BCAS3: variants seen among roughly 807,000 people sequenced by gnomAD.
The protein encoded by BCAS3 is BCAS4/BCAS3 fusion.
A neutral mutation model predicts 116.1 loss-of-function variants in BCAS3; 53 were observed. The ratio of observed to expected loss-of-function variants is 0.46; its 90% CI spans 0.37 to 0.57. The LOEUF (loss-of-function observed/expected upper bound fraction) is 0.57. BCAS3 is among the 20% of genes least tolerant of loss of function. BCAS3 has a pLI of 0.00. For synonymous variants in BCAS3, 391 were observed against 408.2 expected (o/e 0.96, Z 0.51); for missense variants, 917 against 1,165.4 (o/e 0.79, Z 3.10).
chr17:61,015,968 A>G, intron 16 of BCAS3, 67 bp downstream of exon 16: 1 of 1,468,906 alleles, frequency 6.8e-7, no homozygotes, highest in Non-Finnish European at 9.3e-7. Flanking sequence ...AAAATAAAAC[A>G]TACTTTTTCT....
chr17:60,740,395 G>A (rs2041417546), intron 5 of BCAS3, among the ~76,000 whole-genome samples: 2 of 151,544 alleles, frequency 1.3e-5, no homozygotes, highest in African/African-American at 4.9e-5. Flanking sequence ...CTACTTGAGA[G>A]GCTGAGGTGG....
At chr17:60,895,389 G>C (rs983663328) in intron 10 of BCAS3, among the ~76,000 whole-genome samples, 15 of 152,026 alleles carry the variant, frequency 9.9e-5, no homozygotes, top group Non-Finnish European at 1.8e-4. Context: ...TATTTCTGTG[G>C]TATCAGTTGT....
At chr17:61,090,084 CAA>C (rs2073426972) in intron 22 of BCAS3, among the ~76,000 whole-genome samples, 1 of 152,182 alleles carries the variant, frequency 6.6e-6, no homozygotes, top group South Asian at 2.1e-4. Flanking sequence ...CTGAAACCTT[CAA>C]GTCATTCTCC....
rs80058081 is a variant in BCAS3 at position 61,323,938 on chromosome 17, A to G, written c.2426-44389A>G. On this transcript the variant is annotated intron_variant, in intron 22 of 23. Transcript: ENST00000407086. This position sits in a 1 kb window ranked among gnomAD's most constrained non-coding sequence, Gnocchi z 4.6. ...GTTTGCACATTCTTCCTGGAGGAAA[A>G]TGATAGCTCATTGTCAAAGGTTGGG... 0.034 allele frequency among the ~76,000 whole-genome samples: 5,197 copies of G among 152,344 alleles called. 321 individuals carry two copies. The highest frequency in any genetic ancestry group is 0.12 in the African/African-American group (4,922 of 41,564).
intron 23 of BCAS3, among the ~76,000 whole-genome samples, chr17:61,369,905 G>A (rs74351208): frequency 0.011 from 1,725 of 152,292 alleles, 31 homozygotes; most frequent in African/African-American, 0.039. Context: ...AGCCAGCCTC[G>A]GCTCACATAA....
rs1780542235 is a variant in BCAS3 at position 61,007,922 on chromosome 17, A to G, written c.1487-7829A>G. 6.6e-6 allele frequency among the ~76,000 whole-genome samples: 1 copy of G among 152,210 alleles called. No individual in the cohort carries two copies. The highest frequency in any genetic ancestry group is 2.1e-4 in the South Asian group (1 of 4,826). On this transcript the variant is annotated intron_variant, in intron 15 of 23. Coordinates refer to ENST00000407086, the MANE Select transcript of BCAS3 (RefSeq NM_017679.5). This position sits in a 1 kb window ranked among gnomAD's most constrained non-coding sequence, Gnocchi z 4.3. ...TCACCATCGATTGCCTCCAAAAAAA[A>G]GTTATAGGCAAAATGAATCAGTGCC... is the stretch of plus-strand genomic sequence containing the variant.
intron 5 of BCAS3, among the ~76,000 whole-genome samples, chr17:60,738,193 G>T (rs1285795814): frequency 1.3e-5 from 2 of 152,230 alleles, no homozygotes; most frequent in Non-Finnish European, 2.9e-5. Flanking sequence ...GTTGTAAGAA[G>T]TAGTTTATAG....
intron 14 of BCAS3, among the ~76,000 whole-genome samples, chr17:60,958,448 T>A (rs2061253366): frequency 6.6e-6 from 1 of 152,176 alleles, no homozygotes; most frequent in Admixed American, 6.6e-5. Flanking sequence ...CTAACAACAA[T>A]GAATTGATCA....
rs1351560460 is a variant in BCAS3 at position 61,139,083 on chromosome 17, A to AT, written c.2425+54525dup. ...TAGAAAAAATTAGAGACAGAGATGA[A>AT]TTTTTTATTCTTGGATTTTCAAGAA... On this transcript the variant is annotated intron_variant, in intron 22 of 23. Coordinates refer to ENST00000407086, the MANE Select transcript of BCAS3 (RefSeq NM_017679.5). The surrounding 1 kb of genome is among the most constrained non-coding windows in gnomAD (Gnocchi z 4.7). Among the ~76,000 whole-genome samples the AT allele has an allele frequency of 1.3e-5, 2 of 152,094 alleles. No individual in the cohort carries two copies. The highest frequency in any genetic ancestry group is 2.9e-5 in the Non-Finnish European group (2 of 67,990).
At chr17:60,717,508 G>A (rs2038767299) in intron 5 of BCAS3, among the ~76,000 whole-genome samples, 1 of 152,084 alleles carries the variant, frequency 6.6e-6, no homozygotes, top group Admixed American at 6.6e-5. Flanking sequence ...GAGCCACCAT[G>A]CCCGGCAGAA....
Position 61,008,729 on chromosome 17 carries a change from G to T in BCAS3, c.1487-7022G>T, listed in dbSNP as rs2064895569. On this transcript the variant is annotated intron_variant, in intron 15 of 23. Transcript: ENST00000407086. The surrounding 1 kb of genome is among the most constrained non-coding windows in gnomAD (Gnocchi z 4.6). Reference sequence around the variant, plus strand: ...AAAAAATAAAAAAAAAGGCCCCGTAGAACTCATCATCTAGTTTTTATTTTT... The same window carrying T: ...AAAAAATAAAAAAAAAGGCCCCGTATAACTCATCATCTAGTTTTTATTTTT... Among the ~76,000 whole-genome samples the T allele has an allele frequency of 1.3e-5, 2 of 151,964 alleles. No homozygotes were observed. Among genetic ancestry groups the T allele is most frequent in the African/African-American group, 4.8e-5 (2 of 41,394 alleles).
At position 60,924,512 on chromosome 17, in the gene BCAS3, C is replaced by T; in HGVS notation, c.1087+12C>T. The T allele has an allele frequency of 2.1e-6, 3 of 1,442,426 alleles. No individual in the cohort carries two copies. The highest frequency in any genetic ancestry group is 1.3e-5 in the South Asian group (1 of 78,888). 89.4% of individuals were successfully genotyped at this position (1,442,426 alleles called of 1,614,324 possible). Reference sequence around the variant, plus strand: ...TTTTAATACAAGTGGTAAGTTCGCTCTCTGTCTTTTTTTTTTTTTTTTTTG... The same window carrying T: ...TTTTAATACAAGTGGTAAGTTCGCTTTCTGTCTTTTTTTTTTTTTTTTTTG... On this transcript the variant is annotated intron_variant, in intron 13 of 23. Coordinates refer to ENST00000407086, the MANE Select transcript of BCAS3 (RefSeq NM_017679.5).
intron 22 of BCAS3, among the ~76,000 whole-genome samples, chr17:61,147,906 A>G (rs1285122911): frequency 6.6e-6 from 1 of 152,010 alleles, no homozygotes; most frequent in Non-Finnish European, 1.5e-5. Flanking sequence ...GGATCGCTTG[A>G]ACCTGGGAGG....
chr17:61,234,229 A>G (rs1268108269), intron 22 of BCAS3, among the ~76,000 whole-genome samples: 2 of 152,110 alleles, frequency 1.3e-5, no homozygotes, highest in Non-Finnish European at 1.5e-5. Flanking sequence ...TCACTTTCTA[A>G]GCTTCCCACT....
At chr17:61,005,862 A>G (rs1242246286) in intron 15 of BCAS3, among the ~76,000 whole-genome samples, 2 of 148,894 alleles carry the variant, frequency 1.3e-5, no homozygotes, top group South Asian at 2.1e-4. Flanking sequence ...TTAGTTACAT[A>G]TGTATACATG....
chr17:61,078,753 C>G (rs2072266793), intron 21 of BCAS3, among the ~76,000 whole-genome samples: 1 of 152,186 alleles, frequency 6.6e-6, no homozygotes, highest in Non-Finnish European at 1.5e-5. Context: ...TATATTCTCC[C>G]TAAATCTAAT....
chr17:61,334,675 A>AAAAAC (rs2056574534), intron 22 of BCAS3, among the ~76,000 whole-genome samples: 1 of 146,190 alleles, frequency 6.8e-6, no homozygotes, highest in African/African-American at 2.6e-5. Context: ...AAAAAAAAAA[A>AAAAAC]AAAAAAAAAA....
intron 14 of BCAS3, among the ~76,000 whole-genome samples, chr17:60,975,243 C>T (rs1205584171): frequency 2.0e-5 from 3 of 151,956 alleles, no homozygotes; most frequent in African/African-American, 7.3e-5. Context: ...CCTCATGATC[C>T]ACCCGCCTCG....
rs1021791968 is a variant in BCAS3 at position 61,243,620 on chromosome 17, G to T, written c.2426-124707G>T. Among the ~76,000 whole-genome samples, 1 of 152,204 alleles carries T rather than the reference G, an allele frequency of 6.6e-6. No individual in the cohort carries two copies. Among genetic ancestry groups the T allele is most frequent in the African/African-American group, 2.4e-5 (1 of 41,442 alleles). On this transcript the variant is annotated intron_variant, in intron 22 of 23. Transcript: ENST00000407086. This position sits in a 1 kb window ranked among gnomAD's most constrained non-coding sequence, Gnocchi z 5.6. ...GAAGACTTAGAATTGAGTACAGTTTGATTGAATCAAGGGTAATCACCATTA... is the reference window on the plus strand; with the variant it reads ...GAAGACTTAGAATTGAGTACAGTTTTATTGAATCAAGGGTAATCACCATTA...
Sources: gnomAD v4.1 joint callset for allele counts (sites outside exome capture counted in the v4.1 genomes callset) on GRCh38, gnomAD v4.1.1 for gene constraint, Gnocchi (gnomAD v3.1) non-coding constraint, MANE v1.5 for transcripts, NCBI Gene and HGNC (gene_info 2026-07-23, HGNC 2026-07-21) for gene names.